The following PROX1 variants were observed in gnomAD, a reference collection of about 807,000 sequenced individuals.
PROX1 encodes the protein prospero homeobox 1, also known as prospero homeobox protein 1.
In PROX1, 7 loss-of-function variants were observed where a neutral mutation model predicts 58.8. That is an observed-to-expected ratio of 0.12 (90% CI 0.07 to 0.22). The LOEUF is 0.22. Among genes scored for constraint, PROX1 ranks in the 10% least tolerant of loss-of-function variants. The probability of loss-of-function intolerance (pLI) is 1.00; values close to 1 mark genes in which losing one functional copy is unlikely to be tolerated. For synonymous variants in PROX1, 350 were observed against 358.3 expected (o/e 0.98, Z 0.26); for missense variants, 675 against 927.8 (o/e 0.73, Z 3.54).
At chr1:214,001,631 G>C (rs1448180200) in intron 2 of PROX1, among the ~76,000 whole-genome samples, 1 of 152,144 alleles carries the variant, frequency 6.6e-6, no homozygotes, top group Admixed American at 6.5e-5. Flanking sequence ...TTGAAGTTTA[G>C]AAAGGAAAAT....
intron 4 of PROX1, among the ~76,000 whole-genome samples, chr1:214,021,872 G>A (rs1451275652): frequency 2.0e-5 from 3 of 152,160 alleles, no homozygotes; most frequent in Non-Finnish European, 4.4e-5. Flanking sequence ...CCCTCCAGAT[G>A]TTTTCAGTGT....
chr1:214,035,803 C>T lies in PROX1; in HGVS notation c.2183C>T (p.Pro728Leu), dbSNP rs866129714. ...DSEVPEIFKSPNCLQELLHE is the reference protein window; with the variant it reads ...DSEVPEIFKSLNCLQELLHE ...GAAGTCCCTGAGATTTTCAAATCCC[C>T]GAACTGCCTACAAGAGCTGCTTCAT... is the stretch of plus-strand genomic sequence containing the variant. The change falls in exon 5 of 5, where the codon CCG becomes CTG. Residue 728 changes from proline (P) to leucine (L), a missense_variant. Transcript: ENST00000366958. 3.7e-6 allele frequency: 6 copies of T among 1,613,572 alleles called. No individual in the cohort carries two copies. The highest frequency in any genetic ancestry group is 2.2e-5 in the East Asian group (1 of 44,858).
intron 2 of PROX1, among the ~76,000 whole-genome samples, chr1:214,000,006 T>C (rs1246991816): frequency 6.6e-6 from 1 of 151,744 alleles, no homozygotes; most frequent in East Asian, 1.9e-4. Flanking sequence ...AACCAGGTAG[T>C]TGTGATAGTG....
intron 4 of PROX1, among the ~76,000 whole-genome samples, chr1:214,016,654 A>T (rs1431392016): frequency 6.6e-6 from 1 of 152,194 alleles, no homozygotes; most frequent in Non-Finnish European, 1.5e-5. Context: ...ATATGTACAC[A>T]CATGGCTGCC....
chr1:214,001,246 G>C (rs1663500150), intron 2 of PROX1, among the ~76,000 whole-genome samples: 1 of 152,150 alleles, frequency 6.6e-6, no homozygotes, highest in Admixed American at 6.5e-5. Flanking sequence ...ATCCCATCTA[G>C]TAGAAGGGAA....
rs17021827 is a variant in PROX1 at position 214,034,522 on chromosome 1, T to C, written c.2029-1127T>C. Among the ~76,000 whole-genome samples the C allele has an allele frequency of 3.6e-3, 542 of 152,324 alleles. 4 individuals are homozygous for C. The highest frequency in any genetic ancestry group is 0.013 in the African/African-American group (524 of 41,576). ...GTGTCAATGTGTACTTGGAAAATCA[T>C]GAGTTCATGGATTATTCTGTGATTC... On this transcript the variant is annotated intron_variant, in intron 4 of 4. Transcript: ENST00000366958.
At position 214,039,802 on chromosome 1, in the gene PROX1, C is replaced by CACACGCGCAT. The variant is rs1664951657; in HGVS notation, c.*3972_*3973insGCGCATACAC. 8.3e-6 allele frequency: 1 copy of CACACGCGCAT among 120,586 alleles called. No individual in the cohort carries two copies. Among genetic ancestry groups the CACACGCGCAT allele is most frequent in the Non-Finnish European group, 1.8e-5 (1 of 54,444 alleles). 7.5% of individuals were successfully genotyped at this position (120,586 alleles called of 1,614,324 possible). On this transcript the variant is annotated 3_prime_UTR_variant, in exon 5 of 5. Transcript: ENST00000366958. The stretch of plus-strand genomic sequence containing the variant: ...CTTCCCATGCGCACATGTGCGCATA[C>CACACGCGCAT]ACACACACACACACACACACACACA...
chr1:214,003,652 A>T (rs1355282365), intron 2 of PROX1, among the ~76,000 whole-genome samples: 13 of 101,774 alleles, frequency 1.3e-4, no homozygotes, highest in Admixed American at 1.1e-3. Context: ...ATAAAAAAAT[A>T]AAAAACCTGC....
At chr1:214,034,933 G>GA (rs1218707336) in intron 4 of PROX1, among the ~76,000 whole-genome samples, 5 of 151,814 alleles carry the variant, frequency 3.3e-5, no homozygotes, top group African/African-American at 4.8e-5. Context: ...GTAAATACTC[G>GA]AAAAAAGTTA....
intron 3 of PROX1, among the ~76,000 whole-genome samples, chr1:214,008,344 C>T (rs4100072): frequency 0.17 from 26,524 of 151,876 alleles, 2,434 homozygotes; most frequent in Non-Finnish European, 0.21. Flanking sequence ...CATGAGCCAC[C>T]GCGCTCAGCC....
intron 4 of PROX1, among the ~76,000 whole-genome samples, chr1:214,019,157 T>C (rs1388066697): frequency 6.6e-6 from 1 of 152,148 alleles, no homozygotes; most frequent in Non-Finnish European, 1.5e-5. Flanking sequence ...TTGTTGAAAA[T>C]GAGCAGGGGT....
At chr1:214,022,326 A>G (rs560163132) in intron 4 of PROX1, among the ~76,000 whole-genome samples, 1 of 152,370 alleles carries the variant, frequency 6.6e-6, no homozygotes, top group African/African-American at 2.4e-5. Flanking sequence ...CAATTGTATT[A>G]GCACAAAGTA....
chr1:214,009,564 C>T (rs754271850), intron 3 of PROX1, among the ~76,000 whole-genome samples: 6 of 152,256 alleles, frequency 3.9e-5, no homozygotes, highest in South Asian at 4.2e-4. Flanking sequence ...CTGGTCATTT[C>T]GCTTGCCTCA....
chr1:214,039,832 A>ACACACACACAC lies in PROX1; in HGVS notation c.*3998_*3999insCACACACACAC, dbSNP rs1558194267. 4.5e-5 allele frequency: 6 copies of ACACACACACAC among 134,488 alleles called. No individual in the cohort carries two copies. The highest frequency in any genetic ancestry group is 1.4e-4 in the Admixed American group (2 of 14,300). The allele number at this position is 134,488 out of a possible 1,614,324, so 8.3% of individuals were successfully genotyped here. On this transcript the variant is annotated 3_prime_UTR_variant, in exon 5 of 5. Transcript: ENST00000366958. ...ACACACACACACACACACACACACA[A>ACACACACACAC]ACACACACACTGTCATAAAGCTAAT...
chr1:214,002,695 C>T (rs1663566807), intron 2 of PROX1, among the ~76,000 whole-genome samples: 1 of 152,074 alleles, frequency 6.6e-6, no homozygotes, highest in Admixed American at 6.6e-5. Context: ...TGAATCTATT[C>T]CATCATGAGT....
intron 1 of PROX1, among the ~76,000 whole-genome samples, chr1:213,995,190 G>A (rs186822020): frequency 2.2e-5 from 3 of 137,978 alleles, no homozygotes; most frequent in Non-Finnish European, 4.6e-5. Flanking sequence ...TAAACCCAAC[G>A]TGAAAAAAAT....
At chr1:214,026,764 T>G (rs1435357012) in intron 4 of PROX1, among the ~76,000 whole-genome samples, 1 of 152,200 alleles carries the variant, frequency 6.6e-6, no homozygotes, top group Non-Finnish European at 1.5e-5. Context: ...CATTCATTGC[T>G]GTGGTCAGAG....
intron 4 of PROX1, among the ~76,000 whole-genome samples, chr1:214,013,411 T>C (rs1335906556): frequency 6.6e-6 from 1 of 152,196 alleles, no homozygotes; most frequent in Admixed American, 6.5e-5. Context: ...AAGAGACTTC[T>C]GTGTGCTAGT....
chr1:213,985,030 C>A (rs1269885107), upstream of PROX1: 2 of 152,172 alleles, frequency 1.3e-5, no homozygotes, highest in African/African-American at 2.4e-5. Flanking sequence ...GTGATAACTG[C>A]GAGTTTGTCT....
Sources: allele counts gnomAD v4.1 joint callset (sites outside exome capture counted in the v4.1 genomes callset), GRCh38; gene constraint gnomAD v4.1.1; transcripts MANE v1.5; gene names NCBI Gene and HGNC (gene_info 2026-07-23, HGNC 2026-07-21).